Variants in VPS16 observed in about 807,000 individuals in gnomAD.
The protein encoded by VPS16 is VPS16 core subunit of CORVET and HOPS complexes.
VPS16 carries 82 observed loss-of-function variants against 116.0 expected under a neutral mutation model. The observed-to-expected ratio is 0.71, with a 90% CI of 0.59 to 0.85. The LOEUF is 0.85. Ranked by LOEUF, VPS16 falls within the 40% of genes least tolerant of loss-of-function variation. VPS16 has a pLI of 0.00. For missense variants in VPS16, 928 were observed against 1,090.6 expected (o/e 0.85, Z 2.10); for synonymous variants, 406 against 420.7 (o/e 0.96, Z 0.43).
intron 1 of VPS16, among the ~76,000 whole-genome samples, chr20:2,849,018 G>C (rs2089089452): frequency 1.3e-5 from 2 of 152,158 alleles, no homozygotes; most frequent in Non-Finnish European, 2.9e-5. Flanking sequence ...AGTTAGGTTA[G>C]CAGGGCTTTC....
intron 1 of VPS16, among the ~76,000 whole-genome samples, chr20:2,846,018 T>C (rs1018532111): frequency 2.0e-5 from 3 of 152,118 alleles, no homozygotes; most frequent in Admixed American, 2.0e-4. Flanking sequence ...CATCTTTCCA[T>C]GGACACTTGG....
chr20:2,860,872 C>T lies in VPS16; in HGVS notation c.630+9C>T. The T allele has an allele frequency of 6.2e-7, 1 of 1,614,052 alleles. No homozygotes were observed. On this transcript the variant is annotated intron_variant, in intron 6 of 23. Coordinates refer to ENST00000380445, the MANE Select transcript of VPS16 (RefSeq NM_022575.4). The surrounding 1 kb of genome is among the most constrained non-coding windows in gnomAD (Gnocchi z 6.1). ...CAGCCTGCTCCGCAGTGGTAAGGGCCCTGAGTGGGAATGAAGTGGACGGGC... is the reference window on the plus strand; with the variant it reads ...CAGCCTGCTCCGCAGTGGTAAGGGCTCTGAGTGGGAATGAAGTGGACGGGC...
chr20:2,859,754 A>C lies in VPS16; in HGVS notation c.89A>C (p.Lys30Thr), dbSNP rs2089207000. The C allele has an allele frequency of 1.2e-6, 2 of 1,613,110 alleles. No homozygotes were observed. Among genetic ancestry groups the C allele is most frequent in the Admixed American group, 3.3e-5 (2 of 59,712 alleles). ...CTGTACAGCATGGACTGGGACCTGA[A>C]GGAGGAACTCAGGGATTGCCTGGTG... ...YELYSMDWDL[K>T]EELRDCLVAA... The change falls in exon 2 of 24, where the codon AAG (lysine) becomes ACG (threonine). Residue 30 changes from lysine to threonine, a missense_variant. Transcript: ENST00000380445.
rs1393878710 is a variant in VPS16 at position 2,865,008 on chromosome 20, A to G, written c.1957A>G (p.Thr653Ala). The change falls in exon 20 of 24, where the codon ACA (threonine) becomes GCA (alanine). Residue 653 changes from threonine to alanine, a missense_variant. Physicochemically the swap from Thr to Ala is moderately conservative, Grantham distance 58. Transcript: ENST00000380445. The surrounding 1 kb of genome is among the most constrained non-coding windows in gnomAD (Gnocchi z 5.2). ...TGAGGGGCGAGTAGCAGCTCTGCAGACAGCCGCCGATGCCTTCTACAAGGC... is the reference window on the plus strand; with the variant it reads ...TGAGGGGCGAGTAGCAGCTCTGCAGGCAGCCGCCGATGCCTTCTACAAGGC... ...RIEGRVAALQ[T>A]AADAFYKAKN... 1 of 1,614,014 alleles carries G rather than the reference A, an allele frequency of 6.2e-7. No homozygotes were observed.
At chr20:2,862,994 G>A (rs1012437076) in intron 13 of VPS16, 60 bp downstream of exon 13, 15 of 1,613,906 alleles carry the variant, frequency 9.3e-6, no homozygotes, top group African/African-American at 5.3e-5. Flanking sequence ...GAAGGGGCTG[G>A]AGATGCGTCT....
At position 2,862,190 on chromosome 20, in the gene VPS16, T is replaced by A. The variant is rs867308820; in HGVS notation, c.1071+60T>A. The A allele has an allele frequency of 1.4e-5, 22 of 1,547,122 alleles. 1 individual carries two copies. The Middle Eastern group carries it at 1.2e-3, about 87-fold the overall frequency. ...GGTTCCTCCTGCCCCTGCGTGGGCA[T>A]GTGTGAGCATAGCCAGGTGCCACCT... On this transcript the variant is annotated intron_variant, in intron 11 of 23. Coordinates refer to ENST00000380445, the MANE Select transcript of VPS16 (RefSeq NM_022575.4).
intron 1 of VPS16, among the ~76,000 whole-genome samples, chr20:2,846,082 A>G (rs973958244): frequency 6.6e-6 from 1 of 151,006 alleles, no homozygotes; most frequent in African/African-American, 2.4e-5. Flanking sequence ...GTGGGTCTAC[A>G]AATATCTATT....
At chr20:2,858,040 G>A (rs1451850277) in intron 1 of VPS16, among the ~76,000 whole-genome samples, 1 of 151,326 alleles carries the variant, frequency 6.6e-6, no homozygotes, top group Non-Finnish European at 1.5e-5. Context: ...ATTGATTTTT[G>A]TTGATCACCC....
At chr20:2,861,747 AG>A (rs1228792605) in intron 9 of VPS16, 43 bp downstream of exon 9, 1 of 1,609,840 alleles carries the variant, frequency 6.2e-7, no homozygotes, top group South Asian at 1.1e-5. Context: ...AGGGGAGGGG[AG>A]GGTTCACCTG....
intron 13 of VPS16, 56 bp downstream of exon 13, chr20:2,862,990 G>C (rs2089255195): frequency 6.2e-7 from 1 of 1,613,852 alleles, no homozygotes; most frequent in Non-Finnish European, 8.5e-7. Flanking sequence ...AGGGGAAGGG[G>C]CTGGAGATGC....
chr20:2,843,160 G>A (rs953906829), intron 1 of VPS16, among the ~76,000 whole-genome samples: 4 of 151,700 alleles, frequency 2.6e-5, no homozygotes, highest in South Asian at 2.1e-4. Context: ...TTGGCCGAGC[G>A]TGGTGGCTCA....
At chr20:2,850,005 G>A (rs911087972) in intron 1 of VPS16, among the ~76,000 whole-genome samples, 2 of 152,138 alleles carry the variant, frequency 1.3e-5, no homozygotes, top group African/African-American at 4.8e-5. Flanking sequence ...CCAGTCAGAA[G>A]ACTTAACATG....
chr20:2,865,183 G>A lies in VPS16; in HGVS notation c.2040G>A (p.Gln680=). The A allele has an allele frequency of 6.2e-7, 1 of 1,614,194 alleles. No homozygotes were observed. Among genetic ancestry groups the A allele is most frequent in the South Asian group, 1.1e-5 (1 of 91,090 alleles). Residue 680 remains glutamine (Q), a synonymous_variant, in exon 21 of 24, where the codon CAG becomes CAA. Transcript: ENST00000380445. This position sits in a 1 kb window ranked among gnomAD's most constrained non-coding sequence, Gnocchi z 5.2. ...TEDQMRLLRL[Q]RRLEDELGGQ... ...ATCAAATGCGGCTCCTACGGCTGCA[G>A]CGGCGCCTAGAAGACGAGCTGGGGG...
At position 2,863,120 on chromosome 20, in the gene VPS16, G is replaced by A. The variant is rs775356984; in HGVS notation, c.1367+20G>A. The stretch of plus-strand genomic sequence containing the variant: ...GGACAGGTAGGGTAAGCCCAAGGGT[G>A]CAGTGAGCGGGCTGTCAGGGGGGTG... On this transcript the variant is annotated intron_variant, in intron 14 of 23. Coordinates refer to ENST00000380445, the MANE Select transcript of VPS16 (RefSeq NM_022575.4). The surrounding 1 kb of genome is among the most constrained non-coding windows in gnomAD (Gnocchi z 4.4). 1.9e-6 allele frequency: 3 copies of A among 1,613,880 alleles called. No homozygotes were observed. In the South Asian group the frequency reaches 3.3e-5, roughly 18 times the overall value.
chr20:2,854,137 G>T (rs2089148172), intron 1 of VPS16, among the ~76,000 whole-genome samples: 2 of 151,982 alleles, frequency 1.3e-5, no homozygotes, highest in Non-Finnish European at 2.9e-5. Context: ...GGCCAAGCAT[G>T]GTCGTGCACA....
chr20:2,862,017 C>T, intron 10 of VPS16, 37 bp from the exon 11 acceptor site: 5 of 1,611,664 alleles, frequency 3.1e-6, no homozygotes, highest in Non-Finnish European at 4.2e-6. Context: ...GAGGGTTTCC[C>T]TGCCTTTCTC....
At position 2,863,417 on chromosome 20, in the gene VPS16, G is replaced by A. The variant is rs778544600; in HGVS notation, c.1476+19G>A. On this transcript the variant is annotated intron_variant, in intron 15 of 23. Coordinates refer to ENST00000380445, the MANE Select transcript of VPS16 (RefSeq NM_022575.4). This position sits in a 1 kb window ranked among gnomAD's most constrained non-coding sequence, Gnocchi z 4.4. ...CTACAAGGCAAGGATGTGGGATGGGGTCCAAGGGCATTTAGAGGATTCCAG... is the reference window on the plus strand; with the variant it reads ...CTACAAGGCAAGGATGTGGGATGGGATCCAAGGGCATTTAGAGGATTCCAG... 1.2e-6 allele frequency: 2 copies of A among 1,611,386 alleles called. No individual in the cohort carries two copies. Among genetic ancestry groups the A allele is most frequent in the African/African-American group, 1.3e-5 (1 of 74,892 alleles).
chr20:2,864,711 T>A lies in VPS16; in HGVS notation c.1926+57T>A. On this transcript the variant is annotated intron_variant, in intron 19 of 23. Coordinates refer to ENST00000380445, the MANE Select transcript of VPS16 (RefSeq NM_022575.4). This position sits in a 1 kb window ranked among gnomAD's most constrained non-coding sequence, Gnocchi z 5.2. ...GGGGCATGTGGGCTGGGGCTGTTGG[T>A]CCGGTTCCTTCAGGAATCTAGGCCT... is the stretch of plus-strand genomic sequence containing the variant. The A allele has an allele frequency of 6.4e-7, 1 of 1,567,044 alleles. No individual in the cohort carries two copies. Among genetic ancestry groups the A allele is most frequent in the Non-Finnish European group, 8.7e-7 (1 of 1,143,130 alleles).
rs375367513 is a variant in VPS16 at position 2,864,691 on chromosome 20, A to G, written c.1926+37A>G. The G allele has an allele frequency of 2.1e-5, 34 of 1,599,262 alleles. No homozygotes were observed. The highest frequency in any genetic ancestry group is 2.4e-5 in the Non-Finnish European group (28 of 1,169,012). ...ATGGGGCGTGTGGGGCGTGTGGGGC[A>G]TGTGGGCTGGGGCTGTTGGTCCGGT... is the stretch of plus-strand genomic sequence containing the variant. On this transcript the variant is annotated intron_variant, in intron 19 of 23. Coordinates refer to ENST00000380445, the MANE Select transcript of VPS16 (RefSeq NM_022575.4). The surrounding 1 kb of genome is among the most constrained non-coding windows in gnomAD (Gnocchi z 5.2).
Sources: gnomAD v4.1 joint callset for allele counts (sites outside exome capture counted in the v4.1 genomes callset) on GRCh38, gnomAD v4.1.1 for gene constraint, Gnocchi (gnomAD v3.1) non-coding constraint, MANE v1.5 for transcripts, NCBI Gene and HGNC (gene_info 2026-07-23, HGNC 2026-07-21) for gene names.